RBFOX1: variants seen among roughly 807,000 people sequenced by gnomAD.
The protein encoded by RBFOX1 is RNA binding protein fox-1 homolog 1.
RBFOX1 carries 8 observed loss-of-function variants against 57.7 expected under a neutral mutation model. The observed-to-expected ratio is 0.14, with a 90% CI of 0.08 to 0.25. The LOEUF is 0.25. Among genes scored for constraint, RBFOX1 ranks in the 10% least tolerant of loss-of-function variants. RBFOX1 has a pLI of 1.00. For synonymous variants in RBFOX1, 326 were observed against 222.4 expected (o/e 1.47, Z -4.15); for missense variants, 611 against 548.5 (o/e 1.11, Z -1.14).
chr16:6,784,835 A>G (rs1412015937), intron 3 of RBFOX1, among the ~76,000 whole-genome samples: 1 of 152,070 alleles, frequency 6.6e-6, no homozygotes. Flanking sequence ...CATTGTTTTA[A>G]GAAAAATGAG....
intron 1 of RBFOX1, among the ~76,000 whole-genome samples, chr16:5,380,256 T>G (rs1431015034): frequency 6.6e-6 from 1 of 152,172 alleles, no homozygotes; most frequent in Non-Finnish European, 1.5e-5. Context: ...CGGTCGACTT[T>G]CAGTAGGTAG....
At chr16:6,243,144 C>CTGTGTGTG (rs370115661) in intron 1 of RBFOX1, among the ~76,000 whole-genome samples, 14 of 147,416 alleles carry the variant, frequency 9.5e-5, no homozygotes, top group African/African-American at 2.8e-4. Flanking sequence ...ATACGTGTGT[C>CTGTGTGTG]TGTGTGTGTG....
intron 12 of RBFOX1, among the ~76,000 whole-genome samples, chr16:7,659,743 T>A (rs1383655981): frequency 1.3e-5 from 2 of 152,246 alleles, no homozygotes; most frequent in Admixed American, 6.5e-5. Context: ...AAGTGTGACT[T>A]CTTATTTGCT....
At chr16:6,455,013 G>C (rs1161693529) in intron 2 of RBFOX1, among the ~76,000 whole-genome samples, 5 of 149,356 alleles carry the variant, frequency 3.3e-5, no homozygotes. Flanking sequence ...CTCCCAAGTA[G>C]CTGGGACTAT....
At chr16:5,956,768 C>G (rs2059652145) in intron 4 of RBFOX1, among the ~76,000 whole-genome samples, 1 of 148,066 alleles carries the variant, frequency 6.8e-6, no homozygotes, top group Non-Finnish European at 1.5e-5. Flanking sequence ...TCCTGGGGCT[C>G]AGATGATCTT....
In RBFOX1 at chr16:6,802,774, G is replaced by T. The variant is rs1264734361; in HGVS notation, c.-16+148124G>T. Reference sequence around the variant, plus strand: ...CCCACGTTGTTGTAAGAATCTGATTGTTAGATGATACTCTTGAAGTAGGCT... The same window carrying T: ...CCCACGTTGTTGTAAGAATCTGATTTTTAGATGATACTCTTGAAGTAGGCT... On this transcript the variant is annotated intron_variant, in intron 3 of 15. Transcript: ENST00000550418. Among the ~76,000 whole-genome samples the T allele has an allele frequency of 3.9e-5, 6 of 152,346 alleles. No individual in the cohort carries two copies. In the East Asian group the frequency reaches 9.6e-4, roughly 24 times the overall value.
intron 1 of RBFOX1, among the ~76,000 whole-genome samples, chr16:6,086,236 G>T (rs759705958): frequency 6.6e-6 from 1 of 152,152 alleles, no homozygotes. Context: ...CATTGGGTTT[G>T]AATTTTGCAA....
intron 3 of RBFOX1, among the ~76,000 whole-genome samples, chr16:7,003,249 A>C (rs2092992582): frequency 6.6e-6 from 1 of 152,098 alleles, no homozygotes; most frequent in Non-Finnish European, 1.5e-5. Flanking sequence ...TCACAAGGTC[A>C]GCAGATCAAG....
intron 4 of RBFOX1, among the ~76,000 whole-genome samples, chr16:7,445,098 G>C (rs966931993): frequency 1.1e-4 from 15 of 142,274 alleles, no homozygotes; most frequent in Admixed American, 4.2e-4. Context: ...GTCAGCTGGG[G>C]ATGCTTGGTG....
intron 3 of RBFOX1, among the ~76,000 whole-genome samples, chr16:6,930,922 T>C (rs2076402277): frequency 6.6e-6 from 1 of 151,960 alleles, no homozygotes; most frequent in Non-Finnish European, 1.5e-5. Flanking sequence ...TCTGTGTATT[T>C]GTATGTATAT....
intron 2 of RBFOX1, among the ~76,000 whole-genome samples, chr16:6,580,493 C>A (rs897816850): frequency 6.6e-6 from 1 of 152,084 alleles, no homozygotes. Context: ...TTAAAAACTC[C>A]GTAAGACATA....
At chr16:6,998,533 T>A (rs1218555520) in intron 3 of RBFOX1, among the ~76,000 whole-genome samples, 2 of 152,158 alleles carry the variant, frequency 1.3e-5, no homozygotes, top group African/African-American at 2.4e-5. Context: ...GAGACAAAGT[T>A]CTAAATGAGA....
At chr16:6,070,742 A>G (rs1485893369) in intron 1 of RBFOX1, among the ~76,000 whole-genome samples, 1 of 152,090 alleles carries the variant, frequency 6.6e-6, no homozygotes, top group Non-Finnish European at 1.5e-5. Flanking sequence ...GCAATTCATA[A>G]TAAATGTATT....
intron 1 of RBFOX1, among the ~76,000 whole-genome samples, chr16:6,285,728 C>A (rs1307978891): frequency 6.6e-6 from 1 of 152,154 alleles, no homozygotes; most frequent in Non-Finnish European, 1.5e-5. Context: ...ACAATAGGGT[C>A]TGTTGGTAAC....
chr16:6,747,453 T>TTA (rs2073963923), intron 3 of RBFOX1, among the ~76,000 whole-genome samples: 3 of 149,864 alleles, frequency 2.0e-5, no homozygotes, highest in Non-Finnish European at 4.4e-5. Flanking sequence ...TTAGTCTGTC[T>TTA]GTCTGTCTGT....
intron 4 of RBFOX1, among the ~76,000 whole-genome samples, chr16:7,209,324 A>C (rs1283689011): frequency 6.6e-6 from 1 of 152,142 alleles, no homozygotes; most frequent in African/African-American, 2.4e-5. Context: ...GACAAGAGCG[A>C]AACTCTGTTT....
At chr16:6,942,561 G>A (rs1952641997) in intron 3 of RBFOX1, among the ~76,000 whole-genome samples, 1 of 152,108 alleles carries the variant, frequency 6.6e-6, no homozygotes, top group Non-Finnish European at 1.5e-5. Flanking sequence ...GCATCAAGAA[G>A]ACAAGAGTAG....
Position 7,321,165 on chromosome 16 carries a change from G to A in RBFOX1, c.28-196982G>A, listed in dbSNP as rs574799176. 3.9e-4 allele frequency among the ~76,000 whole-genome samples: 50 copies of A among 128,532 alleles called. 1 individual carries two copies. Among genetic ancestry groups the A allele is most frequent in the African/African-American group, 1.3e-3 (50 of 38,688 alleles). The allele number at this position is 128,532 out of a possible 152,430, so 84.3% of individuals were successfully genotyped here. ...TATTGTTTGTTTTTTGAGACGGCGA[G>A]ATGGTGTTTTGCTCTGCTGCCCAGG... is the stretch of plus-strand genomic sequence containing the variant. On this transcript the variant is annotated intron_variant, in intron 4 of 15. Coordinates refer to ENST00000550418, the MANE Select transcript of RBFOX1 (RefSeq NM_018723.4).
At chr16:5,490,521 A>G (rs2042792364) in intron 2 of RBFOX1, among the ~76,000 whole-genome samples, 1 of 152,138 alleles carries the variant, frequency 6.6e-6, no homozygotes, top group African/African-American at 2.4e-5. Flanking sequence ...AGGGAGAATT[A>G]CTTTGGGATA....
Sources: allele counts gnomAD v4.1 joint callset (sites outside exome capture counted in the v4.1 genomes callset), GRCh38; gene constraint gnomAD v4.1.1; transcripts MANE v1.5; gene names NCBI Gene and HGNC (gene_info 2026-07-23, HGNC 2026-07-21).